ZFPM2: variants seen among roughly 807,000 people sequenced by gnomAD.
The protein encoded by ZFPM2 is zinc finger protein ZFPM2.
In ZFPM2, 20 loss-of-function variants were observed where a neutral mutation model predicts 98.6. The observed-to-expected ratio is 0.20, with a 90% CI of 0.14 to 0.29. The LOEUF is 0.29. Ranked by LOEUF, ZFPM2 falls within the 10% of genes least tolerant of loss-of-function variation. The pLI is 1.00. For synonymous variants in ZFPM2, 518 were observed against 502.7 expected (o/e 1.03, Z -0.41); for missense variants, 1,310 against 1,388.6 (o/e 0.94, Z 0.90).
chr8:105,661,612 G>A (rs749951017), intron 5 of ZFPM2, among the ~76,000 whole-genome samples: 26 of 152,118 alleles, frequency 1.7e-4, no homozygotes, highest in Non-Finnish European at 2.9e-4. Flanking sequence ...TTTCAATAAA[G>A]GCTTCAGGGA....
intron 3 of ZFPM2, among the ~76,000 whole-genome samples, chr8:105,462,156 G>T (rs546809925): frequency 6.6e-6 from 1 of 152,136 alleles, no homozygotes; most frequent in African/African-American, 2.4e-5. Flanking sequence ...TGGTTTCTGT[G>T]TTTAACTCAT....
chr8:105,534,337 C>T (rs193007288), intron 3 of ZFPM2, among the ~76,000 whole-genome samples: 9 of 127,406 alleles, frequency 7.1e-5, no homozygotes, highest in East Asian at 5.1e-4. Context: ...TCCCTCACTC[C>T]CTCACTCTCT....
At chr8:105,478,634 A>G (rs1187049475) in intron 3 of ZFPM2, among the ~76,000 whole-genome samples, 1 of 152,234 alleles carries the variant, frequency 6.6e-6, no homozygotes, top group Non-Finnish European at 1.5e-5. Context: ...TCTGAGTTAA[A>G]TAAGAGTGTT....
intron 4 of ZFPM2, among the ~76,000 whole-genome samples, chr8:105,617,146 G>A (rs571662523): frequency 1.2e-4 from 18 of 145,026 alleles, no homozygotes; most frequent in East Asian, 4.2e-4. Flanking sequence ...TTTCTGCGTC[G>A]TTTCCTCATC....
chr8:105,708,201 G>A (rs17311660), intron 5 of ZFPM2, among the ~76,000 whole-genome samples: 19,287 of 152,068 alleles, frequency 0.13, 1,515 homozygotes, highest in South Asian at 0.29. Flanking sequence ...CTGTGTCATC[G>A]ACCTCCATAT....
chr8:105,375,277 T>C (rs559946819), intron 1 of ZFPM2, among the ~76,000 whole-genome samples: 22 of 152,300 alleles, frequency 1.4e-4, no homozygotes, highest in Admixed American at 1.4e-3. Context: ...AACAGGGTCC[T>C]TCATTGATGG....
chr8:105,483,372 T>C (rs1215981725), intron 3 of ZFPM2, among the ~76,000 whole-genome samples: 1 of 151,978 alleles, frequency 6.6e-6, no homozygotes, highest in African/African-American at 2.4e-5. Flanking sequence ...AGTGGATTGC[T>C]TGAGGTCAGG....
At chr8:105,515,535 G>C (rs1053278288) in intron 3 of ZFPM2, among the ~76,000 whole-genome samples, 3 of 152,046 alleles carry the variant, frequency 2.0e-5, no homozygotes, top group African/African-American at 7.3e-5. Flanking sequence ...TAGATTCCTA[G>C]GCCAAGATCT....
chr8:105,531,442 C>T (rs1814294946), intron 3 of ZFPM2, among the ~76,000 whole-genome samples: 1 of 152,110 alleles, frequency 6.6e-6, no homozygotes, highest in Admixed American at 6.6e-5. Flanking sequence ...ACATAGCATT[C>T]TCTGTGTGTC....
In ZFPM2 at chr8:105,337,165, C is replaced by T. The variant is rs148802647; in HGVS notation, c.40+18184C>T. Among the ~76,000 whole-genome samples the T allele has an allele frequency of 4.8e-3, 735 of 151,822 alleles. 5 individuals carry two copies. Among genetic ancestry groups the T allele is most frequent in the African/African-American group, 0.015 (625 of 41,484 alleles). Reference sequence around the variant, plus strand: ...TATTTCTATCTCATCATTATCAACACGTTATGGTATGGCCTCTTCCCCCTC... The same window carrying T: ...TATTTCTATCTCATCATTATCAACATGTTATGGTATGGCCTCTTCCCCCTC... On this transcript the variant is annotated intron_variant, in intron 1 of 7. Coordinates refer to ENST00000407775, the MANE Select transcript of ZFPM2 (RefSeq NM_012082.4).
intron 5 of ZFPM2, among the ~76,000 whole-genome samples, chr8:105,698,064 T>C (rs1454279368): frequency 3.3e-5 from 5 of 152,230 alleles, no homozygotes; most frequent in Admixed American, 3.3e-4. Flanking sequence ...CTTGTATTTC[T>C]CTCATGTCTT....
chr8:105,426,721 G>A (rs1811918955), intron 2 of ZFPM2, among the ~76,000 whole-genome samples: 1 of 152,112 alleles, frequency 6.6e-6, no homozygotes, highest in African/African-American at 2.4e-5. Flanking sequence ...GCTGAGGCTA[G>A]CAGATCAAGA....
chr8:105,720,910 C>T (rs915065936), intron 5 of ZFPM2, among the ~76,000 whole-genome samples: 4 of 151,796 alleles, frequency 2.6e-5, no homozygotes, highest in African/African-American at 9.7e-5. Context: ...CACCTTGCTG[C>T]ATCTGTAAAA....
At chr8:105,384,650 C>T (rs574557260) in intron 1 of ZFPM2, among the ~76,000 whole-genome samples, 2 of 152,018 alleles carry the variant, frequency 1.3e-5, no homozygotes, top group South Asian at 2.1e-4. Context: ...AACATTAACC[C>T]GTTTGGAGCA....
chr8:105,678,202 C>A (rs935102301), intron 5 of ZFPM2, among the ~76,000 whole-genome samples: 18 of 152,086 alleles, frequency 1.2e-4, no homozygotes, highest in Admixed American at 9.2e-4. Flanking sequence ...GAACATTAGG[C>A]TTCTGTTGTG....
At chr8:105,572,816 T>C (rs567680162) in intron 4 of ZFPM2, among the ~76,000 whole-genome samples, 1 of 152,302 alleles carries the variant, frequency 6.6e-6, no homozygotes, top group South Asian at 2.1e-4. Context: ...AATTTTCTCA[T>C]AAAACCCCTT....
At chr8:105,783,174 C>T (rs1373233568) in intron 5 of ZFPM2, among the ~76,000 whole-genome samples, 1 of 142,740 alleles carries the variant, frequency 7.0e-6, no homozygotes, top group Non-Finnish European at 1.5e-5. Context: ...CTAGGAAAGT[C>T]GAGAAGGAAG....
chr8:105,332,105 C>A (rs1359637118), intron 1 of ZFPM2, among the ~76,000 whole-genome samples: 1 of 151,702 alleles, frequency 6.6e-6, no homozygotes, highest in African/African-American at 2.4e-5. Context: ...CGTAATCATG[C>A]CAAGCTGCCT....
At chr8:105,688,992 C>T (rs541385886) in intron 5 of ZFPM2, among the ~76,000 whole-genome samples, 1 of 152,304 alleles carries the variant, frequency 6.6e-6, no homozygotes, top group South Asian at 2.1e-4. Flanking sequence ...TATTCACCTT[C>T]TACACTGACC....
Sources: gnomAD v4.1 joint callset for allele counts (sites outside exome capture counted in the v4.1 genomes callset) on GRCh38, gnomAD v4.1.1 for gene constraint, MANE v1.5 for transcripts, NCBI Gene and HGNC (gene_info 2026-07-23, HGNC 2026-07-21) for gene names.